Variants in LRRIQ3 observed in about 807,000 individuals in gnomAD.
The protein encoded by LRRIQ3 is leucine-rich repeat and IQ domain-containing protein 3.
Under a neutral mutation model 59.3 loss-of-function variants are expected in LRRIQ3, and 75 were observed. The observed-to-expected ratio is 1.26, with a 90% CI of 1.05 to 1.53. The LOEUF (loss-of-function observed/expected upper bound fraction) is 1.53. LRRIQ3 is among the 40% of genes most tolerant of loss of function. The pLI, the probability that LRRIQ3 is intolerant of heterozygous loss-of-function variation, is 0.00. For missense variants in LRRIQ3, 831 were observed against 710.0 expected, an observed-to-expected ratio of 1.17 and a Z score of -1.94; for synonymous variants, 250 against 231.3, an observed-to-expected ratio of 1.08 and a Z score of -0.73.
chr1:74,117,796 C>A (rs1646797989), intron 4 of LRRIQ3, among the ~76,000 whole-genome samples: 1 of 151,986 alleles, frequency 6.6e-6, no homozygotes, highest in South Asian at 2.1e-4. Context: ...ATATAACTAG[C>A]AATTACTAGT....
intron 4 of LRRIQ3, among the ~76,000 whole-genome samples, chr1:74,126,585 T>C (rs1646939186): frequency 6.6e-6 from 1 of 151,964 alleles, no homozygotes; most frequent in South Asian, 2.1e-4. Flanking sequence ...TTTTTAAATT[T>C]CCTTCATAAT....
Position 74,166,641 on chromosome 1 carries a change from A to G in LRRIQ3, c.574-10775T>C, listed in dbSNP as rs573792147. 8.1e-4 allele frequency among the ~76,000 whole-genome samples: 123 copies of G among 151,748 alleles called. 2 individuals are homozygous for G. The highest frequency in any genetic ancestry group is 6.8e-3 in the Middle Eastern group (2 of 294). On this transcript the variant is annotated intron_variant, in intron 3 of 7. Coordinates refer to ENST00000354431, the MANE Select transcript of LRRIQ3 (RefSeq NM_001105659.2). Reference sequence around the variant, plus strand: ...GTGGGAAGCATAGATCATTGATATGATATTTTCCCTCTTTTCCAATTTAGT... The same window carrying G: ...GTGGGAAGCATAGATCATTGATATGGTATTTTCCCTCTTTTCCAATTTAGT...
intron 5 of LRRIQ3, among the ~76,000 whole-genome samples, chr1:74,076,716 T>C (rs879580045): frequency 3.9e-5 from 6 of 152,098 alleles, no homozygotes; most frequent in Non-Finnish European, 8.8e-5. Flanking sequence ...ATTCTCTAAT[T>C]TACTTATCAA....
At chr1:74,132,956 A>G (rs1349239681) in intron 4 of LRRIQ3, among the ~76,000 whole-genome samples, 3 of 152,190 alleles carry the variant, frequency 2.0e-5, no homozygotes, top group Admixed American at 6.5e-5. Context: ...AAATTTTGCA[A>G]TCTACTCATC....
At chr1:74,177,718 AAT>A (rs1221424327) in intron 3 of LRRIQ3, among the ~76,000 whole-genome samples, 3 of 151,910 alleles carry the variant, frequency 2.0e-5, no homozygotes, top group Non-Finnish European at 4.4e-5. Flanking sequence ...TTAGGGAATT[AAT>A]ATGTTTATTA....
Position 74,137,734 on chromosome 1 carries a change from A to G in LRRIQ3, c.707+17999T>C, listed in dbSNP as rs149097573. Among the ~76,000 whole-genome samples the G allele has an allele frequency of 6.2e-3, 944 of 152,210 alleles. 20 individuals carry two copies. In the East Asian group the frequency reaches 0.067, roughly 11 times the overall value. On this transcript the variant is annotated intron_variant, in intron 4 of 7. Coordinates refer to ENST00000354431, the MANE Select transcript of LRRIQ3 (RefSeq NM_001105659.2). ...ATAGACTGGATAAAGAAAATGTGGC[A>G]CATATACAACATGGAATACTATTCA...
chr1:74,101,587 C>G (rs533165610), intron 5 of LRRIQ3, among the ~76,000 whole-genome samples: 1 of 152,116 alleles, frequency 6.6e-6, no homozygotes, highest in South Asian at 2.1e-4. Flanking sequence ...ATAAATCATG[C>G]TGCTATAAAG....
At chr1:74,151,596 T>TG (rs1017982543) in intron 4 of LRRIQ3, among the ~76,000 whole-genome samples, 5 of 103,568 alleles carry the variant, frequency 4.8e-5, no homozygotes, top group African/African-American at 1.5e-4. Context: ...AAATCCGGGG[T>TG]GGGGGGGATG....
intron 3 of LRRIQ3, among the ~76,000 whole-genome samples, chr1:74,176,047 T>A (rs968878568): frequency 6.6e-6 from 1 of 152,216 alleles, no homozygotes; most frequent in Admixed American, 6.5e-5. Context: ...CCCATATTTT[T>A]GCTTACCATG....
chr1:74,069,339 A>G (rs1299847600), intron 6 of LRRIQ3, among the ~76,000 whole-genome samples: 1 of 152,024 alleles, frequency 6.6e-6, no homozygotes, highest in Non-Finnish European at 1.5e-5. Context: ...TGTATGCCAC[A>G]TCTTTTCAGT....
chr1:74,148,250 A>G (rs1647699600), intron 4 of LRRIQ3, among the ~76,000 whole-genome samples: 1 of 152,162 alleles, frequency 6.6e-6, no homozygotes, highest in Non-Finnish European at 1.5e-5. Flanking sequence ...GTTGGATAGG[A>G]TGCTTTGACT....
At chr1:74,125,615 AT>A (rs1646924364) in intron 4 of LRRIQ3, among the ~76,000 whole-genome samples, 1 of 151,672 alleles carries the variant, frequency 6.6e-6, no homozygotes, top group South Asian at 2.1e-4. Flanking sequence ...TAATTATATA[AT>A]TTTTGTCCTT....
At chr1:74,052,709 C>A (rs1326954831) in intron 6 of LRRIQ3, among the ~76,000 whole-genome samples, 1 of 151,972 alleles carries the variant, frequency 6.6e-6, no homozygotes, top group Admixed American at 6.6e-5. Flanking sequence ...TTTGCTTAAT[C>A]TCTTATTATA....
chr1:74,079,155 G>C (rs186310207), intron 5 of LRRIQ3, among the ~76,000 whole-genome samples: 1 of 151,742 alleles, frequency 6.6e-6, no homozygotes, highest in African/African-American at 2.4e-5. Flanking sequence ...ATCCAATCAT[G>C]TTTCTCTTTT....
At chr1:74,194,516 T>A (rs1255277030) in intron 1 of LRRIQ3, among the ~76,000 whole-genome samples, 1 of 152,160 alleles carries the variant, frequency 6.6e-6, no homozygotes, top group Admixed American at 6.6e-5. Flanking sequence ...ATTGGCTTTT[T>A]GAATTTTAGA....
intron 3 of LRRIQ3, among the ~76,000 whole-genome samples, chr1:74,171,445 CATTG>C (rs772348770): frequency 6.6e-6 from 1 of 152,154 alleles, no homozygotes; most frequent in Non-Finnish European, 1.5e-5. Context: ...TGGTGCATCA[CATTG>C]ATTGATTTGC....
chr1:74,192,892 C>T (rs903520804), intron 1 of LRRIQ3, among the ~76,000 whole-genome samples: 1 of 152,002 alleles, frequency 6.6e-6, no homozygotes, highest in Non-Finnish European at 1.5e-5. Flanking sequence ...TTTTAACTAC[C>T]ACATGCAGCA....
chr1:74,097,739 G>A (rs1244801882), intron 5 of LRRIQ3, among the ~76,000 whole-genome samples: 7 of 152,152 alleles, frequency 4.6e-5, no homozygotes, highest in African/African-American at 1.7e-4. Context: ...GAAGAGAGTA[G>A]GGGCCAATAT....
intron 3 of LRRIQ3, among the ~76,000 whole-genome samples, chr1:74,160,232 C>G (rs151293939): frequency 2.9e-3 from 445 of 152,160 alleles, no homozygotes; most frequent in African/African-American, 9.3e-3. Context: ...TCCAAGAACA[C>G]GAAACTACTT....
Sources: allele counts gnomAD v4.1 joint callset (sites outside exome capture counted in the v4.1 genomes callset), GRCh38; gene constraint gnomAD v4.1.1; transcripts MANE v1.5; gene names NCBI Gene and HGNC (gene_info 2026-07-23, HGNC 2026-07-21).